NANS: variants seen among roughly 807,000 people sequenced by gnomAD.
The protein encoded by NANS is N-acetylneuraminate-9-phosphate synthase.
Under a neutral mutation model 33.3 loss-of-function variants are expected in NANS, and 29 were observed. The ratio of observed to expected loss-of-function variants is 0.87; its 90% CI spans 0.65 to 1.19. The LOEUF (loss-of-function observed/expected upper bound fraction) is 1.19, where lower values mean the gene tolerates loss of function less well. Ranked by LOEUF, NANS falls within the 50% of genes most tolerant of loss-of-function variation. The probability of loss-of-function intolerance (pLI) is 0.00; values close to 1 mark genes in which losing one functional copy is unlikely to be tolerated. For missense variants in NANS, 394 were observed against 461.1 expected, an observed-to-expected ratio of 0.85 and a Z score of 1.33; for synonymous variants, 163 against 177.2, an observed-to-expected ratio of 0.92 and a Z score of 0.64.
chr9:98,056,770 C>G lies in NANS; in HGVS notation c.-39C>G, dbSNP rs759321267. The G allele has an allele frequency of 1.1e-5, 17 of 1,603,704 alleles. No homozygotes were observed. In the South Asian group the frequency reaches 1.8e-4, roughly 17 times the overall value. On this transcript the variant is annotated 5_prime_UTR_variant, in exon 1 of 6. Coordinates refer to ENST00000210444, the MANE Select transcript of NANS (RefSeq NM_018946.4). ...GAGGCGGCGGCGGCGGCGGCCGGAC[C>G]CAGACTGGTAGTGAGGCTTTGGACC...
At chr9:98,073,598 T>G (rs1829451910) in intron 2 of NANS, among the ~76,000 whole-genome samples, 1 of 150,746 alleles carries the variant, frequency 6.6e-6, no homozygotes, top group African/African-American at 2.4e-5. Flanking sequence ...TTCTTTTTTT[T>G]TTTTTCCAAT....
rs397837187 is a variant in NANS, at chr9:98,065,483, AT to A, written c.348+4513del. 1.9e-3 allele frequency among the ~76,000 whole-genome samples: 110 copies of A among 58,626 alleles called. 1 individual carries two copies. The highest frequency in any genetic ancestry group is 0.012 in the Middle Eastern group (1 of 82). 38.5% of individuals were successfully genotyped at this position (58,626 alleles called of 152,430 possible). ...AGGCGTCCACCACCATGCCCAGCTA[AT>A]TTTTTTTTTTTTTTTTTTTTTTTTT... On this transcript the variant is annotated intron_variant, in intron 2 of 5. Coordinates refer to ENST00000210444, the MANE Select transcript of NANS (RefSeq NM_018946.4).
chr9:98,065,835 T>C (rs1175698134), intron 2 of NANS, among the ~76,000 whole-genome samples: 1 of 151,994 alleles, frequency 6.6e-6, no homozygotes, highest in Non-Finnish European at 1.5e-5. Flanking sequence ...ATCTGATGGG[T>C]TTATCAGGGG....
intron 2 of NANS, among the ~76,000 whole-genome samples, chr9:98,065,541 G>A (rs1440519058): frequency 8.8e-6 from 1 of 113,766 alleles, no homozygotes; most frequent in Non-Finnish European, 1.7e-5. Context: ...GTTTCACCAT[G>A]TTGGCCAGGC....
At chr9:98,080,528 T>TG (rs1481290973) in intron 4 of NANS, among the ~76,000 whole-genome samples, 1 of 152,256 alleles carries the variant, frequency 6.6e-6, no homozygotes, top group Non-Finnish European at 1.5e-5. Context: ...TTGTTACTCT[T>TG]GGTGTATTGT....
At chr9:98,061,626 A>G (rs2131620837) in intron 2 of NANS, among the ~76,000 whole-genome samples, 1 of 147,896 alleles carries the variant, frequency 6.8e-6, no homozygotes, top group Non-Finnish European at 1.5e-5. Context: ...CTAAAATACA[A>G]AAAATTAGCT....
intron 2 of NANS, chr9:98,075,861 GATA>G (rs1564163007): frequency 6.6e-6 from 1 of 152,112 alleles, no homozygotes; most frequent in East Asian, 1.9e-4. Context: ...GGAAAGAAAT[GATA>G]ATAAAAAGTT....
chr9:98,060,771 G>A lies in NANS; in HGVS notation c.133-11G>A, dbSNP rs1342803625. On this transcript the variant is annotated splice_polypyrimidine_tract_variant and intron_variant, in intron 1 of 5. Transcript: ENST00000210444. ...GACAGTCACTGAAAGATGTCCTAAT[G>A]TGTGTTGTAGGAGTGTGGGGCTGAT... is the stretch of plus-strand genomic sequence containing the variant. The A allele has an allele frequency of 6.2e-7, 1 of 1,613,288 alleles. No homozygotes were observed. Among genetic ancestry groups the A allele is most frequent in the Admixed American group, 1.7e-5 (1 of 60,020 alleles).
intron 2 of NANS, among the ~76,000 whole-genome samples, chr9:98,070,204 G>A (rs1428764578): frequency 6.6e-6 from 1 of 152,080 alleles, no homozygotes; most frequent in African/African-American, 2.4e-5. Context: ...TGTAACCTTC[G>A]CCTCCCAGGT....
chr9:98,065,483 ATTTTTTTTTT>A lies in NANS; in HGVS notation c.348+4504_348+4513del, dbSNP rs397837187. ...AGGCGTCCACCACCATGCCCAGCTA[ATTTTTTTTTT>A]TTTTTTTTTTTTTTTTTGTATTTTT... On this transcript the variant is annotated intron_variant, in intron 2 of 5. Coordinates refer to ENST00000210444, the MANE Select transcript of NANS (RefSeq NM_018946.4). Among the ~76,000 whole-genome samples, 135 of 58,632 alleles carry A rather than the reference ATTTTTTTTTT, an allele frequency of 2.3e-3. 2 individuals carry two copies. The highest frequency in any genetic ancestry group is 0.012 in the South Asian group (12 of 1,024). 38.5% of individuals were successfully genotyped at this position (58,632 alleles called of 152,430 possible).
intron 2 of NANS, chr9:98,075,655 A>T (rs1432471355): frequency 2.0e-5 from 3 of 152,208 alleles, no homozygotes; most frequent in South Asian, 2.1e-4. Flanking sequence ...CTGAGTCACC[A>T]TTCAGAGACA....
chr9:98,077,325 A>G (rs1829636442), intron 3 of NANS, among the ~76,000 whole-genome samples: 1 of 152,100 alleles, frequency 6.6e-6, no homozygotes, highest in Non-Finnish European at 1.5e-5. Context: ...AAGAAAATGA[A>G]TTAAGAATAT....
Position 98,056,925 on chromosome 9 carries a change from G to T in NANS, c.117G>T (p.Met39Ile). The change falls in exon 1 of 6, where the codon ATG becomes ATT. Residue 39 changes from methionine (M) to isoleucine (I), a missense_variant. Coordinates refer to ENST00000210444, the MANE Select transcript of NANS (RefSeq NM_018946.4). ...HQGDLDVAKR[M>I]IRMAKECGAD... ...GCGACCTGGACGTAGCCAAGCGCAT[G>T]ATCCGCATGGCCAAGGTGAGGCGGC... is the stretch of plus-strand genomic sequence containing the variant. 6.2e-7 allele frequency: 1 copy of T among 1,603,418 alleles called. No individual in the cohort carries two copies. Among genetic ancestry groups the T allele is most frequent in the Non-Finnish European group, 8.5e-7 (1 of 1,175,458 alleles).
chr9:98,077,935 G>A (rs1829663608), intron 3 of NANS: 1 of 509,416 alleles, frequency 2.0e-6, no homozygotes. Flanking sequence ...TCTTGGCAGT[G>A]TGAAATTCCT....
intron 2 of NANS, among the ~76,000 whole-genome samples, chr9:98,071,146 C>T (rs1331260382): frequency 6.6e-6 from 1 of 152,220 alleles, no homozygotes; most frequent in Non-Finnish European, 1.5e-5. Context: ...AAGATGAAAA[C>T]ATTTGGGACT....
chr9:98,065,876 T>A (rs928416701), intron 2 of NANS, among the ~76,000 whole-genome samples: 5 of 152,278 alleles, frequency 3.3e-5, no homozygotes, highest in Admixed American at 6.5e-5. Context: ...TCATTTTCTC[T>A]TGCTGCTGCC....
rs181301707 is a variant in NANS at position 98,066,802 on chromosome 9, C to A, written c.348+5805C>A. On this transcript the variant is annotated intron_variant, in intron 2 of 5. Coordinates refer to ENST00000210444, the MANE Select transcript of NANS (RefSeq NM_018946.4). ...AGTAGCTGGGATTGCAGTCATGCAC[C>A]ACCCTGCCCAGCTAATTTTTGTATT... is the stretch of plus-strand genomic sequence containing the variant. Among the ~76,000 whole-genome samples the A allele has an allele frequency of 2.0e-5, 3 of 152,234 alleles. No homozygotes were observed. In the East Asian group the frequency reaches 5.8e-4, roughly 29 times the overall value.
chr9:98,080,754 C>T, intron 4 of NANS, 62 bp from the exon 5 acceptor site: 1 of 1,515,090 alleles, frequency 6.6e-7, no homozygotes, highest in Non-Finnish European at 8.9e-7. Flanking sequence ...ATACGCTTCA[C>T]CTGGAGAATA....
chr9:98,072,413 A>AT lies in NANS; in HGVS notation c.349-4489dup, dbSNP rs1004255694. Among the ~76,000 whole-genome samples the AT allele has an allele frequency of 9.9e-3, 1,309 of 132,138 alleles. 11 individuals are homozygous for AT. Among genetic ancestry groups the AT allele is most frequent in the African/African-American group, 0.025 (902 of 36,242 alleles). The allele number at this position is 132,138 out of a possible 152,430, so 86.7% of individuals were successfully genotyped here. A position where few individuals can be genotyped will look rare whatever the true frequency, so the allele number is the denominator to read the frequency against. On this transcript the variant is annotated intron_variant, in intron 2 of 5. Transcript: ENST00000210444. The stretch of plus-strand genomic sequence containing the variant: ...GGGCACAGGCAGTGAGGGAAAGTGC[A>AT]TTTTTTTTTTTTTTTTGAGACGGAG...
Sources: gnomAD v4.1 joint callset for allele counts (sites outside exome capture counted in the v4.1 genomes callset) on GRCh38, gnomAD v4.1.1 for gene constraint, MANE v1.5 for transcripts, NCBI Gene and HGNC (gene_info 2026-07-23, HGNC 2026-07-21) for gene names.